Variants in MGAT4C observed in about 807,000 individuals in gnomAD.
MGAT4C encodes MGAT4 family member C, also known as alpha-1,3-mannosyl-glycoprotein 4-beta-N-acetylglucosaminyltransferase C.
In MGAT4C, 19 loss-of-function variants were observed where a neutral mutation model predicts 40.1. That is an observed-to-expected ratio of 0.47 (90% CI 0.33 to 0.70). The LOEUF (loss-of-function observed/expected upper bound fraction) is 0.70, where lower values mean the gene tolerates loss of function less well. Ranked by LOEUF, MGAT4C falls within the 30% of genes least tolerant of loss-of-function variation. The pLI is 0.02. For synonymous variants in MGAT4C, 181 were observed against 187.1 expected (o/e 0.97, Z 0.27); for missense variants, 491 against 563.2 (o/e 0.87, Z 1.30).
chr12:86,682,870 T>C lies in MGAT4C; in HGVS notation c.-229+44339A>G, dbSNP rs12305000. Among the ~76,000 whole-genome samples the C allele has an allele frequency of 9.8e-3, 1,488 of 152,292 alleles. 21 individuals carry two copies. The highest frequency in any genetic ancestry group is 0.034 in the African/African-American group (1,433 of 41,572). ...CAATTTTAGGAGATATAAAGAATGATGTGCTTGTCTGAACAACACTATCAC... is the reference window on the plus strand; with the variant it reads ...CAATTTTAGGAGATATAAAGAATGACGTGCTTGTCTGAACAACACTATCAC... On this transcript the variant is annotated intron_variant, in intron 2 of 7. Coordinates refer to the MGAT4C transcript ENST00000548651.
intron 2 of MGAT4C, among the ~76,000 whole-genome samples, chr12:86,616,314 A>C (rs994469963): frequency 6.6e-6 from 1 of 152,122 alleles, no homozygotes; most frequent in African/African-American, 2.4e-5. Context: ...TTTTGCAAAA[A>C]GAATAATTCT....
At chr12:86,053,636 CA>C (rs1316694424) in intron 1 of MGAT4C, among the ~76,000 whole-genome samples, 1 of 151,736 alleles carries the variant, frequency 6.6e-6, no homozygotes, top group Non-Finnish European at 1.5e-5. Flanking sequence ...ATGGATAAAA[CA>C]AAAAGATAGC....
intron 1 of MGAT4C, among the ~76,000 whole-genome samples, chr12:86,182,144 A>C (rs1285320703): frequency 1.3e-5 from 2 of 152,120 alleles, no homozygotes; most frequent in Non-Finnish European, 2.9e-5. Flanking sequence ...CATTGAATAA[A>C]ATGATTACTG....
intron 2 of MGAT4C, among the ~76,000 whole-genome samples, chr12:86,023,050 AC>A (rs1427087241): frequency 6.6e-6 from 1 of 152,166 alleles, no homozygotes; most frequent in Non-Finnish European, 1.5e-5. Context: ...AAATCTCACC[AC>A]CATCTGAGCA....
At chr12:85,999,817 A>G (rs1887096518) in intron 2 of MGAT4C, among the ~76,000 whole-genome samples, 1 of 152,140 alleles carries the variant, frequency 6.6e-6, no homozygotes, top group South Asian at 2.1e-4. Flanking sequence ...GAAATCTAAA[A>G]AAGTTGAACT....
In MGAT4C at chr12:86,474,911, T is replaced by C. The variant is rs977287844; in HGVS notation, c.-228-39646A>G. Among the ~76,000 whole-genome samples the C allele has an allele frequency of 1.1e-4, 16 of 152,070 alleles. 1 individual carries two copies. The highest frequency in any genetic ancestry group is 3.9e-4 in the African/African-American group (16 of 41,414). ...AATTCCAACCAGTCAATAATTGAAA[T>C]ATATGCACAAAAAGTATATGTATAA... On this transcript the variant is annotated intron_variant, in intron 2 of 7. Transcript: ENST00000548651.
intron 2 of MGAT4C, among the ~76,000 whole-genome samples, chr12:86,693,420 T>G (rs1200619908): frequency 6.6e-6 from 1 of 152,178 alleles, no homozygotes; most frequent in Non-Finnish European, 1.5e-5. Context: ...GGCCAAACTA[T>G]GAAGTGTATT....
chr12:86,704,459 A>G (rs1232047739), intron 2 of MGAT4C, among the ~76,000 whole-genome samples: 1 of 152,158 alleles, frequency 6.6e-6, no homozygotes, highest in African/African-American at 2.4e-5. Context: ...AAGTTATTTT[A>G]TAATTTTTAT....
At chr12:86,547,289 C>T (rs887353268) in intron 2 of MGAT4C, among the ~76,000 whole-genome samples, 3 of 151,902 alleles carry the variant, frequency 2.0e-5, no homozygotes, top group Admixed American at 6.6e-5. Flanking sequence ...CTCTTCTTCT[C>T]CCCTTGTTTT....
chr12:86,554,859 C>A (rs1414364808), intron 2 of MGAT4C, among the ~76,000 whole-genome samples: 1 of 152,072 alleles, frequency 6.6e-6, no homozygotes, highest in Non-Finnish European at 1.5e-5. Flanking sequence ...TGTTGGAAAT[C>A]TAGGTTTCCA....
At chr12:86,272,497 C>T (rs1952974367) in intron 4 of MGAT4C, among the ~76,000 whole-genome samples, 1 of 152,050 alleles carries the variant, frequency 6.6e-6, no homozygotes, top group Non-Finnish European at 1.5e-5. Context: ...ACCTAGGATA[C>T]CTAAGAGAGA....
At chr12:86,078,098 C>T (rs1870118967) in intron 1 of MGAT4C, among the ~76,000 whole-genome samples, 1 of 152,050 alleles carries the variant, frequency 6.6e-6, no homozygotes. Flanking sequence ...GTGAGTGGTG[C>T]CACTTACACC....
At chr12:86,400,545 C>T (rs1231209528) in intron 3 of MGAT4C, among the ~76,000 whole-genome samples, 1 of 152,128 alleles carries the variant, frequency 6.6e-6, no homozygotes, top group East Asian at 1.9e-4. Context: ...ATCACACAAG[C>T]CTCCAGGAAT....
At chr12:86,710,717 T>C (rs1476146569) in intron 2 of MGAT4C, among the ~76,000 whole-genome samples, 1 of 152,124 alleles carries the variant, frequency 6.6e-6, no homozygotes, top group Non-Finnish European at 1.5e-5. Flanking sequence ...AGTCATTATA[T>C]GAAAAAGACA....
intron 2 of MGAT4C, among the ~76,000 whole-genome samples, chr12:86,706,183 A>T (rs919515459): frequency 4.6e-5 from 7 of 152,208 alleles, no homozygotes; most frequent in African/African-American, 1.7e-4. Flanking sequence ...AGAAGGATTA[A>T]GAAGAAGGTA....
At chr12:86,742,303 G>T (rs757853199) in intron 1 of MGAT4C, among the ~76,000 whole-genome samples, 3 of 151,390 alleles carry the variant, frequency 2.0e-5, no homozygotes, top group Non-Finnish European at 4.4e-5. Flanking sequence ...TTTCTCAAGT[G>T]CTTGCTGCAT....
intron 4 of MGAT4C, among the ~76,000 whole-genome samples, chr12:86,280,289 A>C (rs945321651): frequency 1.3e-5 from 2 of 152,002 alleles, no homozygotes; most frequent in Non-Finnish European, 2.9e-5. Flanking sequence ...CTTTAGCTCT[A>C]ATAATATTTG....
chr12:86,718,976 A>C (rs992564541), intron 2 of MGAT4C, among the ~76,000 whole-genome samples: 28 of 152,142 alleles, frequency 1.8e-4, no homozygotes, highest in Non-Finnish European at 3.5e-4. Flanking sequence ...TTACGTTCTT[A>C]AAGAGACAAT....
intron 1 of MGAT4C, among the ~76,000 whole-genome samples, chr12:86,733,700 T>C (rs1357548394): frequency 6.6e-6 from 1 of 152,042 alleles, no homozygotes; most frequent in African/African-American, 2.4e-5. Context: ...TGTATGAACT[T>C]TCCAGAAGTT....
Sources: gnomAD v4.1 joint callset for allele counts (sites outside exome capture counted in the v4.1 genomes callset) on GRCh38, gnomAD v4.1.1 for gene constraint, MANE v1.5 for transcripts, NCBI Gene and HGNC (gene_info 2026-07-23, HGNC 2026-07-21) for gene names.